SLC16A12: variants seen among roughly 807,000 people sequenced by gnomAD.
SLC16A12 encodes solute carrier family 16 member 12.
A neutral mutation model predicts 42.4 loss-of-function variants in SLC16A12; 17 were observed. The ratio of observed to expected loss-of-function variants is 0.40; its 90% confidence interval spans 0.27 to 0.60. The LOEUF (loss-of-function observed/expected upper bound fraction) is 0.60, where lower values mean the gene tolerates loss of function less well. SLC16A12 is among the 20% of genes least tolerant of loss of function. The probability of loss-of-function intolerance (pLI) is 0.42; values close to 1 mark genes in which losing one functional copy is unlikely to be tolerated. For missense variants in SLC16A12, 544 were observed against 623.0 expected (o/e 0.87, Z 1.35); for synonymous variants, 224 against 229.4 (o/e 0.98, Z 0.21).
intron 2 of SLC16A12, among the ~76,000 whole-genome samples, chr10:89,521,464 C>A (rs1245665501): frequency 1.3e-5 from 2 of 152,186 alleles, no homozygotes; most frequent in African/African-American, 4.8e-5. Context: ...GAAAAAGAAA[C>A]AATGATATGT....
intron 2 of SLC16A12, among the ~76,000 whole-genome samples, chr10:89,522,844 T>C (rs750105010): frequency 6.6e-6 from 1 of 152,224 alleles, no homozygotes; most frequent in Non-Finnish European, 1.5e-5. Context: ...CTATGTAAGG[T>C]ATTTTAACAA....
At chr10:89,463,618 C>T (rs1019721634) in intron 2 of SLC16A12, among the ~76,000 whole-genome samples, 3 of 152,058 alleles carry the variant, frequency 2.0e-5, no homozygotes, top group Non-Finnish European at 2.9e-5. Context: ...AAAAAAATTT[C>T]GTTAATTTGT....
At chr10:89,486,868 T>C (rs1488851169) in intron 2 of SLC16A12, among the ~76,000 whole-genome samples, 3 of 152,164 alleles carry the variant, frequency 2.0e-5, no homozygotes, top group Non-Finnish European at 2.9e-5. Context: ...GAGGAAAAAG[T>C]TGATTTTCTG....
intron 6 of SLC16A12, among the ~76,000 whole-genome samples, chr10:89,437,544 T>C (rs1404920402): frequency 2.7e-5 from 4 of 150,830 alleles, no homozygotes; most frequent in African/African-American, 7.3e-5. Flanking sequence ...TGCCTCAGAG[T>C]AGAGATGCCT....
intron 3 of SLC16A12, among the ~76,000 whole-genome samples, chr10:89,462,141 G>A (rs534170697): frequency 3.3e-5 from 5 of 151,780 alleles, no homozygotes; most frequent in African/African-American, 9.7e-5. Flanking sequence ...CGATACCTGA[G>A]CAGTCAACGG....
chr10:89,437,396 T>C (rs1841819196), intron 6 of SLC16A12, among the ~76,000 whole-genome samples: 1 of 152,170 alleles, frequency 6.6e-6, no homozygotes, highest in South Asian at 2.1e-4. Context: ...CATCACAAAA[T>C]AGTATAAGGT....
chr10:89,542,180 C>T (rs1035772008), intron 2 of SLC16A12, among the ~76,000 whole-genome samples: 1 of 151,654 alleles, frequency 6.6e-6, no homozygotes, highest in South Asian at 2.1e-4. Flanking sequence ...AGGTAGAAGA[C>T]TATTTTTACA....
Position 89,462,389 on chromosome 10 carries a change from C to A in SLC16A12, c.190G>T (p.Ala64Ser). 1 of 1,614,018 alleles carries A rather than the reference C, an allele frequency of 6.2e-7. No individual in the cohort carries two copies. Among genetic ancestry groups the A allele is most frequent in the Non-Finnish European group, 8.5e-7 (1 of 1,179,952 alleles). The change falls in exon 3 of 8, where the codon GCA (alanine) becomes TCA (serine). Residue 64 changes from alanine (A) to serine (S), a missense_variant. By Grantham distance (99) the Ala-to-Ser change is moderately conservative. Transcript: ENST00000371790. ...GAAAATCCTACCTACCTTGTGACTG[C>A]CCGTGTGCAGATGGTAACAAGGAAA... The part of the protein sequence containing the change: ...GCFLVTICTR[A>S]VTRCISIFFV...
intron 7 of SLC16A12, among the ~76,000 whole-genome samples, chr10:89,434,566 C>T (rs1186624287): frequency 2.0e-5 from 3 of 152,198 alleles, no homozygotes; most frequent in African/African-American, 7.2e-5. Context: ...GCCACAATTT[C>T]CCCTAGTTTG....
intron 3 of SLC16A12, among the ~76,000 whole-genome samples, chr10:89,458,925 A>T (rs556706704): frequency 1.7e-4 from 26 of 152,180 alleles, no homozygotes; most frequent in Non-Finnish European, 2.9e-4. Flanking sequence ...CTGGAAAAAA[A>T]TTGTGCAAGT....
chr10:89,433,506 C>A (rs1841727088), intron 7 of SLC16A12, among the ~76,000 whole-genome samples, 180 bp from the exon 8 acceptor site: 1 of 152,114 alleles, frequency 6.6e-6, no homozygotes, highest in Admixed American at 6.5e-5. Context: ...ATTCTGTTTT[C>A]CAGGAAAACT....
intron 2 of SLC16A12, among the ~76,000 whole-genome samples, chr10:89,495,722 G>A (rs1038377365): frequency 1.3e-5 from 2 of 152,140 alleles, no homozygotes; most frequent in Non-Finnish European, 2.9e-5. Context: ...ATAATGTATT[G>A]AATACAGTAC....
At chr10:89,465,262 C>G (rs1366936492) in intron 2 of SLC16A12, among the ~76,000 whole-genome samples, 1 of 152,174 alleles carries the variant, frequency 6.6e-6, no homozygotes, top group Non-Finnish European at 1.5e-5. Context: ...TAACCAATGC[C>G]CTGCACTGCT....
chr10:89,511,025 A>G (rs1010930996), intron 2 of SLC16A12, among the ~76,000 whole-genome samples: 2 of 152,236 alleles, frequency 1.3e-5, no homozygotes, highest in African/African-American at 4.8e-5. Flanking sequence ...CAAAACCTCA[A>G]TGAGATACCA....
At chr10:89,549,628 A>T (rs1843759492) in intron 2 of SLC16A12, among the ~76,000 whole-genome samples, 1 of 152,220 alleles carries the variant, frequency 6.6e-6, no homozygotes, top group African/African-American at 2.4e-5. Context: ...AAAAGAAGCC[A>T]TACTCTGTCA....
chr10:89,473,546 C>T (rs1270889900), intron 2 of SLC16A12, among the ~76,000 whole-genome samples: 1 of 152,198 alleles, frequency 6.6e-6, no homozygotes, highest in East Asian at 1.9e-4. Context: ...ACTCCCCACT[C>T]TTGCCTTCAT....
intron 5 of SLC16A12, among the ~76,000 whole-genome samples, chr10:89,439,692 A>T (rs764154807): frequency 9.2e-5 from 14 of 152,230 alleles, no homozygotes; most frequent in Non-Finnish European, 2.1e-4. Context: ...TTATATGTGA[A>T]CATAGCAATG....
chr10:89,509,694 C>A (rs1843132068), intron 2 of SLC16A12, among the ~76,000 whole-genome samples: 1 of 152,082 alleles, frequency 6.6e-6, no homozygotes, highest in Admixed American at 6.6e-5. Flanking sequence ...ACAAGGATGC[C>A]CTCTCTCACC....
rs539235827 is a variant in SLC16A12, at chr10:89,543,500, G to A, written c.-47+12382C>T. Reference sequence around the variant, plus strand: ...TGAACATAATAATAACACTTCATAGGTGTTGTGGAGGCTAATTGAGATTTG... The same window carrying A: ...TGAACATAATAATAACACTTCATAGATGTTGTGGAGGCTAATTGAGATTTG... On this transcript the variant is annotated intron_variant, in intron 2 of 2. Transcript: ENST00000475682. Among the ~76,000 whole-genome samples, 5 of 152,220 alleles carry A rather than the reference G, an allele frequency of 3.3e-5. No individual in the cohort carries two copies. The East Asian group carries it at 9.7e-4, about 29-fold the overall frequency.
Sources: gnomAD v4.1 joint callset for allele counts (sites outside exome capture counted in the v4.1 genomes callset) on GRCh38, gnomAD v4.1.1 for gene constraint, MANE v1.5 for transcripts, NCBI Gene and HGNC (gene_info 2026-07-23, HGNC 2026-07-21) for gene names.